NKAIN3: variants seen among roughly 807,000 people sequenced by gnomAD.
NKAIN3 encodes sodium/potassium-transporting ATPase subunit beta-1-interacting protein 3.
A neutral mutation model predicts 30.2 loss-of-function variants in NKAIN3; 25 were observed. That is an observed-to-expected ratio of 0.83 (90% CI 0.60 to 1.16). The LOEUF (loss-of-function observed/expected upper bound fraction) is 1.16. NKAIN3 is among the 50% of genes most tolerant of loss of function. The pLI is 0.00. For synonymous variants in NKAIN3, 91 were observed against 89.6 expected, an observed-to-expected ratio of 1.02 and a Z score of -0.09; for missense variants, 225 against 254.1, an observed-to-expected ratio of 0.89 and a Z score of 0.78.
chr8:62,438,350 A>G (rs1255903218), intron 1 of NKAIN3, among the ~76,000 whole-genome samples: 8 of 152,174 alleles, frequency 5.3e-5, no homozygotes, highest in Non-Finnish European at 1.0e-4. Flanking sequence ...TTTGTATGCT[A>G]AAATCAAATG....
chr8:62,789,866 C>T (rs952951096), intron 4 of NKAIN3, among the ~76,000 whole-genome samples: 2 of 152,184 alleles, frequency 1.3e-5, no homozygotes, highest in East Asian at 1.9e-4. Context: ...GATTCACAGC[C>T]GAATTCTACC....
intron 3 of NKAIN3, among the ~76,000 whole-genome samples, chr8:62,606,384 G>A (rs562341330): frequency 6.6e-6 from 1 of 152,166 alleles, no homozygotes; most frequent in African/African-American, 2.4e-5. Flanking sequence ...ATAGACAAAT[G>A]TGCTCCTCAA....
At chr8:62,307,528 G>A (rs913232614) in intron 1 of NKAIN3, among the ~76,000 whole-genome samples, 1 of 150,322 alleles carries the variant, frequency 6.7e-6, no homozygotes, top group African/African-American at 2.5e-5. Context: ...GATTTTGTAG[G>A]AAGAAAGAGA....
chr8:62,284,852 TG>T (rs1813324698), intron 1 of NKAIN3, among the ~76,000 whole-genome samples: 1 of 152,132 alleles, frequency 6.6e-6, no homozygotes, highest in South Asian at 2.1e-4. Flanking sequence ...CAAGAATTCC[TG>T]GGTAACTGTG....
chr8:62,625,170 A>G (rs531552652), intron 3 of NKAIN3, among the ~76,000 whole-genome samples: 4 of 152,252 alleles, frequency 2.6e-5, no homozygotes, highest in Admixed American at 2.0e-4. Flanking sequence ...TGGTTAAAAG[A>G]TAGACATTAT....
At chr8:62,454,212 C>T (rs1805739154) in intron 1 of NKAIN3, among the ~76,000 whole-genome samples, 1 of 148,490 alleles carries the variant, frequency 6.7e-6, no homozygotes, top group Non-Finnish European at 1.5e-5. Context: ...CCAAAAGGGT[C>T]CAATCTTTCA....
At position 62,430,213 on chromosome 8, in the gene NKAIN3, T is replaced by G. The variant is rs548222309; in HGVS notation, c.55-149326T>G. Among the ~76,000 whole-genome samples, 26 of 151,954 alleles carry G rather than the reference T, an allele frequency of 1.7e-4. No homozygotes were observed. In the Middle Eastern group the frequency reaches 0.014, roughly 80 times the overall value. On this transcript the variant is annotated intron_variant, in intron 1 of 6. Coordinates refer to ENST00000623646, the MANE Select transcript of NKAIN3 (RefSeq NM_001304533.3). ...CTTTTAAGGCTGAATAATATCCCAT[T>G]TTATAGGTACATTGCATTTTGCTTA...
intron 3 of NKAIN3, among the ~76,000 whole-genome samples, chr8:62,616,962 A>G (rs780924872): frequency 1.1e-4 from 17 of 152,162 alleles, no homozygotes; most frequent in African/African-American, 4.1e-4. Flanking sequence ...GCACCATCAC[A>G]TTGGTGATGT....
chr8:62,817,822 G>C (rs4559235), intron 4 of NKAIN3, among the ~76,000 whole-genome samples: 1 of 152,018 alleles, frequency 6.6e-6, no homozygotes, highest in Non-Finnish European at 1.5e-5. Flanking sequence ...AACTTTCACA[G>C]CCACTGCTGG....
intron 5 of NKAIN3, among the ~76,000 whole-genome samples, chr8:62,997,783 G>A (rs1259924866): frequency 1.3e-5 from 2 of 150,880 alleles, no homozygotes; most frequent in African/African-American, 4.9e-5. Flanking sequence ...AGGAGGAGGA[G>A]GAACAATGTA....
chr8:62,499,537 G>A (rs953321792), intron 1 of NKAIN3, among the ~76,000 whole-genome samples: 1 of 152,096 alleles, frequency 6.6e-6, no homozygotes, highest in African/African-American at 2.4e-5. Context: ...AATTTTATTT[G>A]TGTCAATTTA....
chr8:62,347,761 T>C (rs1284999342), intron 1 of NKAIN3, among the ~76,000 whole-genome samples: 9 of 152,130 alleles, frequency 5.9e-5, no homozygotes, highest in Admixed American at 3.9e-4. Flanking sequence ...ACAAGGAAGA[T>C]ATGATAGGCT....
chr8:62,332,456 G>A (rs906271032), intron 1 of NKAIN3, among the ~76,000 whole-genome samples: 1 of 152,016 alleles, frequency 6.6e-6, no homozygotes, highest in Non-Finnish European at 1.5e-5. Flanking sequence ...TTCCAATTAG[G>A]AAAATGAATA....
intron 1 of NKAIN3, among the ~76,000 whole-genome samples, chr8:62,478,637 A>T (rs910476419): frequency 2.6e-5 from 4 of 152,216 alleles, no homozygotes; most frequent in African/African-American, 9.6e-5. Context: ...AATATAAATA[A>T]AGTAATACTT....
chr8:62,659,795 G>A (rs1812882437), intron 3 of NKAIN3, among the ~76,000 whole-genome samples: 1 of 152,134 alleles, frequency 6.6e-6, no homozygotes, highest in Non-Finnish European at 1.5e-5. Context: ...GAATCATGGA[G>A]ACAGGTCTTT....
intron 4 of NKAIN3, among the ~76,000 whole-genome samples, chr8:62,904,439 G>A (rs1821715621): frequency 6.6e-6 from 1 of 152,148 alleles, no homozygotes; most frequent in Admixed American, 6.5e-5. Context: ...TCATCCATCT[G>A]TTGAAGATGG....
intron 1 of NKAIN3, among the ~76,000 whole-genome samples, chr8:62,519,741 A>T (rs1165580506): frequency 6.6e-6 from 1 of 152,172 alleles, no homozygotes; most frequent in Admixed American, 6.6e-5. Context: ...TCAAGGTATA[A>T]CACTGCTCTT....
intron 1 of NKAIN3, among the ~76,000 whole-genome samples, chr8:62,270,424 T>C (rs1365596429): frequency 6.6e-6 from 1 of 152,140 alleles, no homozygotes; most frequent in Non-Finnish European, 1.5e-5. Flanking sequence ...GCAATGTGTT[T>C]TTTTAATTAA....
At chr8:62,271,928 C>T (rs909421642) in intron 1 of NKAIN3, among the ~76,000 whole-genome samples, 1 of 152,120 alleles carries the variant, frequency 6.6e-6, no homozygotes, top group Non-Finnish European at 1.5e-5. Context: ...TGGGTGGAAG[C>T]GTTGTGCTAT....
Sources: gnomAD v4.1 joint callset for allele counts (sites outside exome capture counted in the v4.1 genomes callset) on GRCh38, gnomAD v4.1.1 for gene constraint, MANE v1.5 for transcripts, NCBI Gene and HGNC (gene_info 2026-07-23, HGNC 2026-07-21) for gene names.